The following NIPAL4 variants were observed in gnomAD, a reference collection of about 807,000 sequenced individuals.
NIPAL4 encodes NIPA like domain containing 4.
In NIPAL4, 21 loss-of-function variants were observed where a neutral mutation model predicts 31.6. That is an observed-to-expected ratio of 0.67 (90% CI 0.47 to 0.96). NIPAL4 has a LOEUF of 0.96. Ranked by LOEUF, NIPAL4 falls within the 40% of genes least tolerant of loss-of-function variation. NIPAL4 has a pLI of 0.00. For missense variants in NIPAL4, 438 were observed against 508.0 expected, an observed-to-expected ratio of 0.86 and a Z score of 1.32; for synonymous variants, 175 against 211.1, an observed-to-expected ratio of 0.83 and a Z score of 1.48.
In NIPAL4 at chr5:157,472,812, C is replaced by T. The variant is rs977203406; in HGVS notation, c.1067C>T (p.Pro356Leu). ...CTGGACATCAGCTGCGCCAGCTTGC[C>T]CCACATGCACAAAAACCCACCCCCT... ...KDLDISCASLPHMHKNPPPSP... is the reference protein window; with the variant it reads ...KDLDISCASLLHMHKNPPPSP... The change falls in exon 6 of 6, where the codon CCC becomes CTC. Residue 356 changes from proline (P) to leucine (L), a missense_variant. Pro to Leu is a moderately conservative substitution (Grantham distance 98). Coordinates refer to ENST00000311946, the MANE Select transcript of NIPAL4 (RefSeq NM_001099287.2). The T allele has an allele frequency of 6.2e-7, 1 of 1,604,196 alleles. No individual in the cohort carries two copies. Among genetic ancestry groups the T allele is most frequent in the African/African-American group, 1.3e-5 (1 of 74,856 alleles).
chr5:157,472,113 C>T (rs937097520), intron 5 of NIPAL4, among the ~76,000 whole-genome samples: 40 of 152,268 alleles, frequency 2.6e-4, no homozygotes, highest in African/African-American at 9.4e-4. Context: ...GAGGATGATC[C>T]TATTGTTGGT....
chr5:157,469,275 C>A (rs1754362251), intron 4 of NIPAL4, among the ~76,000 whole-genome samples: 1 of 152,200 alleles, frequency 6.6e-6, no homozygotes, highest in Non-Finnish European at 1.5e-5. Flanking sequence ...ATAATACCCA[C>A]TGGGGGGCAT....
At chr5:157,460,934 T>A (rs1456285279) in intron 1 of NIPAL4, among the ~76,000 whole-genome samples, 1 of 152,314 alleles carries the variant, frequency 6.6e-6, no homozygotes, top group Middle Eastern at 3.4e-3. Context: ...TATTTTACTA[T>A]CTTGCTATCC....
At chr5:157,467,006 G>A (rs766014926) in intron 2 of NIPAL4, 43 bp from the exon 3 acceptor site, 1 of 1,492,498 alleles carries the variant, frequency 6.7e-7, no homozygotes, top group South Asian at 1.1e-5. Context: ...CTGAGAAAGT[G>A]TGGCCAAGTT....
intron 1 of NIPAL4, 102 bp downstream of exon 1, chr5:157,460,459 G>T: frequency 8.3e-7 from 1 of 1,206,744 alleles, no homozygotes; most frequent in East Asian, 2.5e-5. Context: ...GGGGGCCAAA[G>T]CTGGGGAGGG....
At position 157,463,051 on chromosome 5, in the gene NIPAL4, A is replaced by G. The variant is rs761732096; in HGVS notation, c.38-43A>G. On this transcript the variant is annotated intron_variant, in intron 1 of 5. Coordinates refer to ENST00000311946, the MANE Select transcript of NIPAL4 (RefSeq NM_001099287.2). ...AATTCCAATATTTTAAAAGTGTGCA[A>G]TTGTCCCCAGTGTGACTCTCTCACT... The G allele has an allele frequency of 5.6e-6, 9 of 1,609,640 alleles. 1 individual carries two copies. The South Asian group carries it at 9.9e-5, about 18-fold the overall frequency.
chr5:157,468,163 C>G (rs1252299439), intron 3 of NIPAL4, among the ~76,000 whole-genome samples: 1 of 151,734 alleles, frequency 6.6e-6, no homozygotes, highest in Non-Finnish European at 1.5e-5. Context: ...GATACACCTG[C>G]CTCGGCCTCC....
At chr5:157,468,025 C>A (rs1754324974) in intron 3 of NIPAL4, 1 of 152,170 alleles carries the variant, frequency 6.6e-6, no homozygotes. Context: ...CTACCTCGGC[C>A]TCCCGAGTAG....
At chr5:157,472,058 T>G (rs982979726) in intron 5 of NIPAL4, among the ~76,000 whole-genome samples, 1 of 152,224 alleles carries the variant, frequency 6.6e-6, no homozygotes, top group Non-Finnish European at 1.5e-5. Flanking sequence ...CTGTTATGAA[T>G]GCTTTATATA....
chr5:157,460,661 C>T (rs1363344401), intron 1 of NIPAL4: 5 of 358,690 alleles, frequency 1.4e-5, no homozygotes, highest in South Asian at 1.2e-4. Flanking sequence ...GTGGTGGGGG[C>T]GGGGGGAGGA....
intron 2 of NIPAL4, among the ~76,000 whole-genome samples, chr5:157,463,721 A>G (rs1273016471): frequency 6.6e-6 from 1 of 152,224 alleles, no homozygotes; most frequent in Non-Finnish European, 1.5e-5. Flanking sequence ...ACTTCTGCTC[A>G]GAACAATGTC....
rs1754486662 is a variant in NIPAL4, at chr5:157,473,015, A to G, written c.*55A>G. 7.1e-7 allele frequency: 1 copy of G among 1,414,610 alleles called. No homozygotes were observed. Among genetic ancestry groups the G allele is most frequent in the Non-Finnish European group, 9.4e-7 (1 of 1,069,464 alleles). 87.6% of individuals were successfully genotyped at this position (1,414,610 alleles called of 1,614,324 possible). ...TCCGATGGTACAGCCTGCCCTCCCA[A>G]TTTCAAAACCACCTGGTTATTTTCC... On this transcript the variant is annotated 3_prime_UTR_variant, in exon 6 of 6. Coordinates refer to ENST00000311946, the MANE Select transcript of NIPAL4 (RefSeq NM_001099287.2).
Position 157,460,267 on chromosome 5 carries a change from C to T in NIPAL4, c.-54C>T. On this transcript the variant is annotated 5_prime_UTR_variant, in exon 1 of 6. Coordinates refer to ENST00000311946, the MANE Select transcript of NIPAL4 (RefSeq NM_001099287.2). ...CAAGTCGCGGCCACCTGCTCCGGAG[C>T]TGGGGAGCCCGGGCGCCGTCCGCCC... 4 of 1,544,648 alleles carry T rather than the reference C, an allele frequency of 2.6e-6. No individual in the cohort carries two copies. Among genetic ancestry groups the T allele is most frequent in the Non-Finnish European group, 3.5e-6 (4 of 1,144,614 alleles).
chr5:157,472,410 G>T lies in NIPAL4; in HGVS notation c.665G>T (p.Arg222Met). Reference protein sequence around the residue: ...IFVIAPRYGQRNILIYIIICS... With the variant: ...IFVIAPRYGQMNILIYIIICS... ...GTCATTGCCCCACGTTACGGGCAAA[G>T]GAATATCCTCATCTACATCATCATC... The change falls in exon 6 of 6, where the codon AGG (arginine) becomes ATG (methionine). Residue 222 changes from arginine to methionine, a missense_variant. By Grantham distance (91) the Arg-to-Met change is moderately conservative (BLOSUM62 -1). Transcript: ENST00000311946. 1 of 1,613,734 alleles carries T rather than the reference G, an allele frequency of 6.2e-7. No individual in the cohort carries two copies. The highest frequency in any genetic ancestry group is 8.5e-7 in the Non-Finnish European group (1 of 1,179,842).
intron 1 of NIPAL4, among the ~76,000 whole-genome samples, chr5:157,462,811 C>A (rs1437752184): frequency 6.6e-6 from 1 of 152,216 alleles, no homozygotes; most frequent in African/African-American, 2.4e-5. Flanking sequence ...CTATTCTTTG[C>A]AGTTTCATTG....
At chr5:157,471,885 G>T (rs1222013903) in intron 5 of NIPAL4, 68 bp downstream of exon 5, 3 of 1,288,912 alleles carry the variant, frequency 2.3e-6, no homozygotes, top group East Asian at 2.5e-5. Flanking sequence ...CCCCACAAAA[G>T]GTCAGGTTGG....
intron 1 of NIPAL4, 140 bp downstream of exon 1, chr5:157,460,497 C>T: frequency 1.2e-6 from 1 of 842,390 alleles, no homozygotes; most frequent in Non-Finnish European, 1.9e-6. Context: ...TGGCTCCCAC[C>T]CAGCTTTGAA....
intron 4 of NIPAL4, among the ~76,000 whole-genome samples, chr5:157,470,028 CA>C (rs1754382264): frequency 6.6e-6 from 1 of 152,030 alleles, no homozygotes; most frequent in Non-Finnish European, 1.5e-5. Context: ...ACATTGCGGC[CA>C]AAATATTTTT....
rs147949724 is a variant in NIPAL4, at chr5:157,461,693, G to A, written c.37+1336G>A. Among the ~76,000 whole-genome samples the A allele has an allele frequency of 1.2e-3, 181 of 152,330 alleles. 1 individual carries two copies. Among genetic ancestry groups the A allele is most frequent in the Middle Eastern group, 6.8e-3 (2 of 294 alleles). ...TCTCATCTTCCCTTGATTGTGACAC[G>A]AGTTTTGGAAAGAGAGATATCACAC... is the stretch of plus-strand genomic sequence containing the variant. On this transcript the variant is annotated intron_variant, in intron 1 of 5. Coordinates refer to ENST00000311946, the MANE Select transcript of NIPAL4 (RefSeq NM_001099287.2).
Sources: gnomAD v4.1 joint callset for allele counts (sites outside exome capture counted in the v4.1 genomes callset) on GRCh38, gnomAD v4.1.1 for gene constraint, MANE v1.5 for transcripts, NCBI Gene and HGNC (gene_info 2026-07-23, HGNC 2026-07-21) for gene names.